POC1B: variants seen among roughly 807,000 people sequenced by gnomAD.
POC1B encodes the protein POC1 centriolar protein B.
In POC1B, 44 loss-of-function variants were observed where a neutral mutation model predicts 60.6. The ratio of observed to expected loss-of-function variants is 0.73; its 90% CI spans 0.57 to 0.93. The LOEUF (loss-of-function observed/expected upper bound fraction) is 0.93. Ranked by LOEUF, POC1B falls within the 40% of genes least tolerant of loss-of-function variation. POC1B has a pLI of 0.00. For synonymous variants in POC1B, 180 were observed against 198.9 expected (o/e 0.90, Z 0.80); for missense variants, 555 against 572.3 (o/e 0.97, Z 0.31).
intron 2 of POC1B, among the ~76,000 whole-genome samples, chr12:89,516,527 C>T (rs1375449870): frequency 6.6e-6 from 1 of 152,152 alleles, no homozygotes; most frequent in Non-Finnish European, 1.5e-5. Flanking sequence ...CATATAGTAG[C>T]CAGAGTGGTC....
chr12:89,477,743 G>C (rs544156866), intron 4 of POC1B, among the ~76,000 whole-genome samples: 2 of 152,110 alleles, frequency 1.3e-5, no homozygotes, highest in East Asian at 3.9e-4. Flanking sequence ...AATCAAACTG[G>C]GTCATCTTTC....
intron 4 of POC1B, among the ~76,000 whole-genome samples, chr12:89,489,943 CAG>C (rs1236091687): frequency 6.6e-6 from 1 of 152,196 alleles, no homozygotes; most frequent in East Asian, 1.9e-4. Context: ...CAGGATAGGC[CAG>C]AGTCACCACC....
intron 2 of POC1B, chr12:89,522,747 A>C (rs1277759388): frequency 1.3e-5 from 19 of 1,504,188 alleles, no homozygotes; most frequent in Non-Finnish European, 1.6e-5. Flanking sequence ...ATCTTCACTG[A>C]GGCTCTTAAG....
chr12:89,520,925 C>T (rs946847195), intron 2 of POC1B: 9 of 152,110 alleles, frequency 5.9e-5, no homozygotes, highest in African/African-American at 1.4e-4. Flanking sequence ...GTTTACTTCC[C>T]GAGTAATTTA....
intron 10 of POC1B, among the ~76,000 whole-genome samples, chr12:89,456,002 C>T (rs1386271553): frequency 2.2e-5 from 3 of 135,710 alleles, no homozygotes; most frequent in South Asian, 2.7e-4. Flanking sequence ...GTTTAAAACT[C>T]TTTTTTGTTG....
chr12:89,486,916 GAC>G (rs60433981), intron 4 of POC1B, among the ~76,000 whole-genome samples: 270 of 148,638 alleles, frequency 1.8e-3, no homozygotes, highest in African/African-American at 6.1e-3. Context: ...CACACACACA[GAC>G]ACACACACAC....
intron 10 of POC1B, among the ~76,000 whole-genome samples, chr12:89,440,185 A>G (rs898318253): frequency 1.3e-5 from 2 of 152,188 alleles, no homozygotes; most frequent in Admixed American, 6.5e-5. Flanking sequence ...GCACTACCCT[A>G]AATTCAGCTC....
downstream of POC1B, among the ~76,000 whole-genome samples, chr12:89,416,276 C>G (rs188013923): frequency 6.6e-6 from 1 of 152,036 alleles, no homozygotes; most frequent in Non-Finnish European, 1.5e-5. Context: ...TGAAGGGATA[C>G]GCAAGCTGCC....
At chr12:89,487,429 G>A (rs1868698569) in intron 4 of POC1B, among the ~76,000 whole-genome samples, 1 of 152,188 alleles carries the variant, frequency 6.6e-6, no homozygotes, top group Non-Finnish European at 1.5e-5. Context: ...CGGTTCCAGA[G>A]TTTCTCCCTA....
At chr12:89,463,639 A>C (rs1005480732) in intron 9 of POC1B, among the ~76,000 whole-genome samples, 9 of 152,238 alleles carry the variant, frequency 5.9e-5, no homozygotes, top group Admixed American at 3.3e-4. Flanking sequence ...GTTTTTAATT[A>C]AGATGGAGTG....
intron 4 of POC1B, among the ~76,000 whole-genome samples, chr12:89,489,460 A>C (rs1215208584): frequency 6.6e-6 from 1 of 152,202 alleles, no homozygotes; most frequent in African/African-American, 2.4e-5. Flanking sequence ...TAGAGCCAAA[A>C]ACTGGCTGAA....
At position 89,499,533 on chromosome 12, in the gene POC1B, TGCGATGGGAAACTACTCTAGA is replaced by T. The variant is rs1391655061; in HGVS notation, c.101-2212_101-2192del. ...AAATTATTGAAAGAAAAAAAAAACC[TGCGATGGGAAACTACTCTAGA>T]TTTTGAGCAGGGGCAATCTCATGAT... On this transcript the variant is annotated intron_variant, in intron 2 of 11. Coordinates refer to ENST00000313546, the MANE Select transcript of POC1B (RefSeq NM_172240.3). 2.2e-4 allele frequency among the ~76,000 whole-genome samples: 33 copies of T among 151,596 alleles called. No homozygotes were observed. In the South Asian group the frequency reaches 5.7e-3, roughly 26 times the overall value.
chr12:89,456,785 G>A (rs190438754), intron 10 of POC1B, among the ~76,000 whole-genome samples: 1 of 152,214 alleles, frequency 6.6e-6, no homozygotes, highest in East Asian at 1.9e-4. Context: ...AAGACTGTAT[G>A]CCACAATTTC....
intron 10 of POC1B, among the ~76,000 whole-genome samples, chr12:89,451,942 A>G (rs1345838916): frequency 2.6e-5 from 4 of 152,182 alleles, no homozygotes; most frequent in Non-Finnish European, 4.4e-5. Context: ...AAACCATCCT[A>G]TAGGTCAGCA....
intron 2 of POC1B, chr12:89,523,340 C>A: frequency 6.2e-7 from 1 of 1,614,042 alleles, no homozygotes; most frequent in Non-Finnish European, 8.5e-7. Flanking sequence ...CCATAAGCTT[C>A]TTTTCTTGCT....
At chr12:89,513,417 T>C (rs1329317055) in intron 2 of POC1B, among the ~76,000 whole-genome samples, 2 of 152,168 alleles carry the variant, frequency 1.3e-5, no homozygotes, top group Non-Finnish European at 2.9e-5. Context: ...TGTTACAGGA[T>C]TGAATCAATG....
At chr12:89,524,150 G>C in intron 2 of POC1B, 2 of 1,614,060 alleles carry the variant, frequency 1.2e-6, no homozygotes, top group Non-Finnish European at 1.7e-6. Context: ...GTGGTAGGAA[G>C]TGTCCTATAG....
At chr12:89,432,578 A>T (rs1391906290) in intron 10 of POC1B, among the ~76,000 whole-genome samples, 2 of 152,084 alleles carry the variant, frequency 1.3e-5, no homozygotes, top group Non-Finnish European at 2.9e-5. Flanking sequence ...CTAGTGGGTG[A>T]AGGAGAAAAG....
chr12:89,523,681 G>A (rs375696455), intron 2 of POC1B: 9 of 1,539,084 alleles, frequency 5.8e-6, no homozygotes, highest in Non-Finnish European at 7.8e-6. Context: ...TTCCTGTTTG[G>A]GGACAGAATG....
Sources: allele counts gnomAD v4.1 joint callset (sites outside exome capture counted in the v4.1 genomes callset), GRCh38; gene constraint gnomAD v4.1.1; transcripts MANE v1.5; gene names NCBI Gene and HGNC (gene_info 2026-07-23, HGNC 2026-07-21).